Variants in FGF12 observed in about 807,000 individuals in gnomAD.
FGF12 encodes fibroblast growth factor 12, also known as fibroblast growth factor 12B.
A neutral mutation model predicts 23.6 loss-of-function variants in FGF12; 14 were observed. That is an observed-to-expected ratio of 0.59 (90% CI 0.39 to 0.93). FGF12 has a LOEUF of 0.93. Among genes scored for constraint, FGF12 ranks in the 40% least tolerant of loss-of-function variants. The probability of loss-of-function intolerance (pLI) is 0.00; values close to 1 mark genes in which losing one functional copy is unlikely to be tolerated. For missense variants in FGF12, 175 were observed against 217.8 expected (o/e 0.80, Z 1.24); for synonymous variants, 62 against 77.3 (o/e 0.80, Z 1.04).
chr3:192,293,569 A>G (rs1714876223), intron 4 of FGF12, among the ~76,000 whole-genome samples: 1 of 152,204 alleles, frequency 6.6e-6, no homozygotes, highest in African/African-American at 2.4e-5. Context: ...GGTTCTTAAG[A>G]GAATAATGCA....
chr3:192,568,585 T>C (rs1341382624), intron 2 of FGF12, among the ~76,000 whole-genome samples: 1 of 152,212 alleles, frequency 6.6e-6, no homozygotes. Flanking sequence ...AGCATTCATA[T>C]TTTCTGCCAA....
chr3:192,544,168 A>G (rs1297904365), intron 2 of FGF12, among the ~76,000 whole-genome samples: 1 of 152,112 alleles, frequency 6.6e-6, no homozygotes, highest in Non-Finnish European at 1.5e-5. Flanking sequence ...CTGAGTTCCA[A>G]TGCAAAGTCC....
At chr3:192,372,240 A>T (rs2108744512) in intron 2 of FGF12, among the ~76,000 whole-genome samples, 1 of 152,332 alleles carries the variant, frequency 6.6e-6, no homozygotes, top group Non-Finnish European at 1.5e-5. Context: ...CAAATGTTGG[A>T]CTTGTCCTGA....
chr3:192,306,604 C>G (rs1252715100), intron 4 of FGF12, among the ~76,000 whole-genome samples: 4 of 152,070 alleles, frequency 2.6e-5, no homozygotes, highest in Non-Finnish European at 5.9e-5. Flanking sequence ...TTCTAAGGGG[C>G]AAATGAATGA....
chr3:192,210,784 T>A (rs1234145190), intron 4 of FGF12, among the ~76,000 whole-genome samples: 1 of 151,996 alleles, frequency 6.6e-6, no homozygotes, highest in Non-Finnish European at 1.5e-5. Context: ...TTGGAGGAAA[T>A]GAGTGCTATT....
At chr3:192,549,702 A>C (rs1047065677) in intron 2 of FGF12, among the ~76,000 whole-genome samples, 3 of 152,182 alleles carry the variant, frequency 2.0e-5, no homozygotes, top group South Asian at 2.1e-4. Context: ...TTATCCATCA[A>C]TTGAAGACCT....
chr3:192,372,656 G>A (rs925655866), intron 2 of FGF12, among the ~76,000 whole-genome samples: 1 of 152,170 alleles, frequency 6.6e-6, no homozygotes, highest in Middle Eastern at 3.4e-3. Context: ...GCCATCGAGT[G>A]CTCTGGGCTA....
intron 2 of FGF12, among the ~76,000 whole-genome samples, chr3:192,520,547 C>T (rs1337992544): frequency 6.6e-6 from 1 of 152,176 alleles, no homozygotes; most frequent in East Asian, 1.9e-4. Context: ...TGCTTCTTTA[C>T]TTGCCCATCC....
chr3:192,278,593 C>A (rs537126899), intron 4 of FGF12, among the ~76,000 whole-genome samples: 19 of 152,218 alleles, frequency 1.2e-4, no homozygotes, highest in Non-Finnish European at 2.8e-4. Context: ...CAAAAAAGAA[C>A]CAGCCTAGAG....
At chr3:192,266,900 T>A (rs1377583229) in intron 4 of FGF12, 4 of 151,976 alleles carry the variant, frequency 2.6e-5, no homozygotes, top group Non-Finnish European at 4.4e-5. Flanking sequence ...AAAAAATCTA[T>A]GAAGTGACTT....
chr3:192,242,497 G>C (rs567645927), intron 4 of FGF12, among the ~76,000 whole-genome samples: 1 of 152,176 alleles, frequency 6.6e-6, no homozygotes, highest in Middle Eastern at 3.4e-3. Flanking sequence ...AAAAAGGAAA[G>C]GAAGAAGCAC....
At chr3:192,281,291 A>T (rs971469912) in intron 4 of FGF12, among the ~76,000 whole-genome samples, 1 of 152,110 alleles carries the variant, frequency 6.6e-6, no homozygotes, top group African/African-American at 2.4e-5. Flanking sequence ...GTTTGTAGCC[A>T]CATCACTTCA....
intron 4 of FGF12, among the ~76,000 whole-genome samples, chr3:192,215,712 T>C (rs968050191): frequency 6.6e-6 from 1 of 152,208 alleles, no homozygotes; most frequent in African/African-American, 2.4e-5. Flanking sequence ...TGCTCTCTCT[T>C]ATTTCCTCCA....
intron 2 of FGF12, among the ~76,000 whole-genome samples, chr3:192,547,156 AACCTTGTGATG>A (rs759066351): frequency 1.3e-5 from 2 of 152,192 alleles, no homozygotes; most frequent in Non-Finnish European, 2.9e-5. Context: ...TATCAAAAGA[AACCTTGTGATG>A]ACTCTTTGGC....
At chr3:192,319,456 G>C (rs1716413820) in intron 4 of FGF12, among the ~76,000 whole-genome samples, 1 of 152,096 alleles carries the variant, frequency 6.6e-6, no homozygotes, top group Non-Finnish European at 1.5e-5. Flanking sequence ...AATTAGGCGG[G>C]TGTGGTGGTG....
chr3:192,257,947 ATTCCAATCCTTACGG>A (rs1004511302), intron 4 of FGF12, among the ~76,000 whole-genome samples: 1 of 151,924 alleles, frequency 6.6e-6, no homozygotes, highest in Non-Finnish European at 1.5e-5. Context: ...AAACTCTTAA[ATTCCAATCCTTACGG>A]TACCCTGTGT....
chr3:192,286,516 T>C (rs1714456426), intron 4 of FGF12, among the ~76,000 whole-genome samples: 1 of 151,990 alleles, frequency 6.6e-6, no homozygotes, highest in Admixed American at 6.6e-5. Flanking sequence ...TCATGACCAG[T>C]TTTGGTTGTT....
At chr3:192,558,146 CAAAT>C (rs979198918) in intron 2 of FGF12, among the ~76,000 whole-genome samples, 4 of 151,670 alleles carry the variant, frequency 2.6e-5, no homozygotes, top group Non-Finnish European at 5.9e-5. Context: ...TCTCTGTTCT[CAAAT>C]AACATGATTG....
chr3:192,332,807 TG>T (rs2108695350), intron 4 of FGF12, among the ~76,000 whole-genome samples: 1 of 152,236 alleles, frequency 6.6e-6, no homozygotes, highest in South Asian at 2.1e-4. Context: ...TGACCCTTAT[TG>T]GTTGCCCAAC....
Sources: gnomAD v4.1 joint callset for allele counts (sites outside exome capture counted in the v4.1 genomes callset) on GRCh38, gnomAD v4.1.1 for gene constraint, MANE v1.5 for transcripts, NCBI Gene and HGNC (gene_info 2026-07-23, HGNC 2026-07-21) for gene names.